The following MAN1A1 variants were observed in gnomAD, a reference collection of about 807,000 sequenced individuals.
MAN1A1 encodes the protein mannosyl-oligosaccharide 1,2-alpha-mannosidase IA.
MAN1A1 carries 29 observed loss-of-function variants against 70.8 expected under a neutral mutation model. The observed-to-expected ratio is 0.41, with a 90% CI of 0.31 to 0.56. The LOEUF (loss-of-function observed/expected upper bound fraction) is 0.56. MAN1A1 is among the 20% of genes least tolerant of loss of function. MAN1A1 has a pLI of 0.29. For missense variants in MAN1A1, 747 were observed against 841.3 expected, an observed-to-expected ratio of 0.89 and a Z score of 1.39; for synonymous variants, 349 against 330.1, an observed-to-expected ratio of 1.06 and a Z score of -0.62.
chr6:119,346,276 T>G (rs1487050302), intron 2 of MAN1A1, among the ~76,000 whole-genome samples: 2 of 152,242 alleles, frequency 1.3e-5, no homozygotes, highest in Non-Finnish European at 2.9e-5. Context: ...TAAAGCCAAA[T>G]ATTTACAGCA....
At chr6:119,305,550 T>C in intron 3 of MAN1A1, among the ~76,000 whole-genome samples, 1 of 152,152 alleles carries the variant, frequency 6.6e-6, no homozygotes, top group Non-Finnish European at 1.5e-5. Flanking sequence ...ACTTCAGGTA[T>C]AGGTGCTCTT....
At chr6:119,316,951 CT>C (rs11362337) in intron 2 of MAN1A1, among the ~76,000 whole-genome samples, 9,565 of 138,006 alleles carry the variant, frequency 0.069, 803 homozygotes, top group African/African-American at 0.21. Context: ...TATTATTATT[CT>C]TTTTTTTTTT....
chr6:119,247,499 A>G (rs1424274152), intron 6 of MAN1A1, among the ~76,000 whole-genome samples: 1 of 152,226 alleles, frequency 6.6e-6, no homozygotes, highest in East Asian at 1.9e-4. Flanking sequence ...AGAGAGGTAC[A>G]GGCAATTAAT....
intron 5 of MAN1A1, 61 bp from the exon 6 acceptor site, chr6:119,248,415 T>G (rs1337560053): frequency 1.1e-5 from 9 of 842,880 alleles, no homozygotes; most frequent in African/African-American, 3.4e-5. Context: ...TGAACTATAC[T>G]ATTATCTAAT....
rs762846323 is a variant in MAN1A1, at chr6:119,188,386, A to G, written c.1719+19T>C. ...ACTATGAAATTTATCTATAAGAAAC[A>G]TGCAAATTAAAACATCACCTCTACG... On this transcript the variant is annotated intron_variant, in intron 11 of 12. Transcript: ENST00000368468. 8.9e-6 allele frequency: 14 copies of G among 1,573,876 alleles called. No individual in the cohort carries two copies. In the South Asian group the frequency reaches 1.4e-4, roughly 16 times the overall value.
chr6:119,338,259 T>C (rs17081041), intron 2 of MAN1A1, among the ~76,000 whole-genome samples: 9,375 of 152,054 alleles, frequency 0.062, 337 homozygotes, highest in Middle Eastern at 0.1. Flanking sequence ...GGTCAGAATA[T>C]AAATACATTT....
At chr6:119,317,917 T>C (rs1772899065) in intron 2 of MAN1A1, among the ~76,000 whole-genome samples, 1 of 152,124 alleles carries the variant, frequency 6.6e-6, no homozygotes, top group Non-Finnish European at 1.5e-5. Context: ...CTGAAGTAAC[T>C]GTCCTTAAAA....
intron 5 of MAN1A1, among the ~76,000 whole-genome samples, chr6:119,286,058 A>G (rs1202830912): frequency 6.6e-6 from 1 of 152,152 alleles, no homozygotes; most frequent in African/African-American, 2.4e-5. Flanking sequence ...AAACTTTAAT[A>G]TGCCCTAACT....
chr6:119,207,019 A>C (rs929810099), intron 6 of MAN1A1, among the ~76,000 whole-genome samples: 1 of 152,224 alleles, frequency 6.6e-6, no homozygotes, highest in Non-Finnish European at 1.5e-5. Context: ...GAGAAAGTTA[A>C]GCAATATATA....
chr6:119,268,221 G>C (rs145856543), intron 5 of MAN1A1, among the ~76,000 whole-genome samples: 38 of 152,276 alleles, frequency 2.5e-4, no homozygotes, highest in African/African-American at 8.7e-4. Context: ...AGTTACCAGT[G>C]ATATAGTTCA....
chr6:119,207,672 A>G (rs1353195140), intron 6 of MAN1A1, among the ~76,000 whole-genome samples: 5 of 152,210 alleles, frequency 3.3e-5, no homozygotes, highest in African/African-American at 1.2e-4. Context: ...TGTCTTTTAA[A>G]TTCTATAAAT....
chr6:119,269,983 C>A (rs1317859881), intron 5 of MAN1A1, among the ~76,000 whole-genome samples: 1 of 152,140 alleles, frequency 6.6e-6, no homozygotes, highest in Non-Finnish European at 1.5e-5. Flanking sequence ...TTTAAACGTA[C>A]TTAGTGGATT....
intron 5 of MAN1A1, among the ~76,000 whole-genome samples, chr6:119,260,161 G>A (rs1031753258): frequency 3.9e-5 from 6 of 152,064 alleles, no homozygotes; most frequent in Non-Finnish European, 7.4e-5. Context: ...TCTGTCTCAC[G>A]TTTATTTTTA....
At position 119,348,533 on chromosome 6, in the gene MAN1A1, G is replaced by T; in HGVS notation, c.533C>A (p.Pro178His). The change falls in exon 2 of 13, where the codon CCC becomes CAC. Residue 178 changes from proline (P) to histidine (H), a missense_variant. Physicochemically the swap from Pro to His is moderately conservative, Grantham distance 77. Around this residue, in one of 2 missense-constraint regions of MAN1A1, gnomAD observed 328 missense variants for 293.1 expected, o/e 1.12. Transcript: ENST00000368468. ...CTCCCGGCTCTCCACCCCGATTGGG[G>T]GCACGAAGTCCACCGGGGGCAGGCC... is the stretch of plus-strand genomic sequence containing the variant. ...FRGLPPVDFVPPIGVESREPA... is the reference protein window; with the variant it reads ...FRGLPPVDFVHPIGVESREPA... 1 of 1,612,834 alleles carries T rather than the reference G, an allele frequency of 6.2e-7. No homozygotes were observed. The highest frequency in any genetic ancestry group is 8.5e-7 in the Non-Finnish European group (1 of 1,179,510).
intron 5 of MAN1A1, among the ~76,000 whole-genome samples, chr6:119,270,581 C>A (rs965463334): frequency 5.4e-4 from 82 of 152,152 alleles, no homozygotes; most frequent in African/African-American, 1.9e-3. Flanking sequence ...TATGAATATG[C>A]CTATTTTGGA....
intron 1 of MAN1A1, 113 bp downstream of exon 1, chr6:119,349,429 G>T: frequency 1.1e-6 from 1 of 913,644 alleles, no homozygotes; most frequent in Non-Finnish European, 1.3e-6. Context: ...CGCCCTCGCA[G>T]CCCACTCTCT....
intron 6 of MAN1A1, among the ~76,000 whole-genome samples, chr6:119,215,899 C>T (rs1009870502): frequency 6.6e-6 from 1 of 152,188 alleles, no homozygotes; most frequent in Non-Finnish European, 1.5e-5. Flanking sequence ...TGATGAGAAG[C>T]TTCTTTAGAC....
chr6:119,282,102 G>C (rs1776240172), intron 5 of MAN1A1, among the ~76,000 whole-genome samples: 1 of 151,554 alleles, frequency 6.6e-6, no homozygotes, highest in African/African-American at 2.4e-5. Context: ...CAAAACAACT[G>C]AATTTTCTGA....
intron 5 of MAN1A1, among the ~76,000 whole-genome samples, chr6:119,265,472 G>A (rs1033110763): frequency 2.0e-5 from 3 of 152,060 alleles, no homozygotes; most frequent in Non-Finnish European, 2.9e-5. Flanking sequence ...ATTTCTTGAT[G>A]TCTAAACACT....
Sources: allele counts gnomAD v4.1 joint callset (sites outside exome capture counted in the v4.1 genomes callset), GRCh38; gene constraint gnomAD v4.1.1; regional missense constraint gnomAD v4.1.1; transcripts MANE v1.5; gene names NCBI Gene and HGNC (gene_info 2026-07-23, HGNC 2026-07-21).